TDRD3: variants seen among roughly 807,000 people sequenced by gnomAD.
TDRD3 encodes the protein tudor domain-containing protein 3.
Under a neutral mutation model 86.7 loss-of-function variants are expected in TDRD3, and 45 were observed. The ratio of observed to expected loss-of-function variants is 0.52; its 90% CI spans 0.41 to 0.67. TDRD3 has a LOEUF of 0.67. TDRD3 is among the 30% of genes least tolerant of loss of function. The pLI, the probability that TDRD3 is intolerant of heterozygous loss-of-function variation, is 0.00. For missense variants in TDRD3, 814 were observed against 889.0 expected (o/e 0.92, Z 1.07); for synonymous variants, 298 against 301.7 (o/e 0.99, Z 0.13).
intron 10 of TDRD3, among the ~76,000 whole-genome samples, chr13:60,526,677 T>C (rs1215293313): frequency 6.6e-6 from 1 of 151,836 alleles, no homozygotes; most frequent in East Asian, 1.9e-4. Flanking sequence ...AAATCTTATA[T>C]CTTAGAAAAA....
chr13:60,547,504 A>G (rs1957963130), intron 12 of TDRD3: 1 of 654,488 alleles, frequency 1.5e-6, no homozygotes, highest in Non-Finnish European at 1.9e-6. Flanking sequence ...AAGTTACCTA[A>G]TATCTCTGGG....
chr13:60,535,143 G>A lies in TDRD3; in HGVS notation c.2028G>A (p.Ser676=), dbSNP rs866623364. The change falls in exon 12 of 14, where the codon TCG becomes TCA. Residue 676 remains serine (S), a synonymous_variant. Transcript: ENST00000377881. The part of the protein sequence containing the change: ...YRAEVEALHS[S]GMTAVVKFID... ...CAGAAGTTGAAGCCCTCCATTCTTC[G>A]GGTATGACAGCAGTTGTTAAATTCA... 2 of 1,613,648 alleles carry A rather than the reference G, an allele frequency of 1.2e-6. No homozygotes were observed. Among genetic ancestry groups the A allele is most frequent in the Non-Finnish European group, 8.5e-7 (1 of 1,179,822 alleles).
intron 7 of TDRD3, among the ~76,000 whole-genome samples, chr13:60,491,547 A>C (rs1302127615): frequency 2.0e-5 from 3 of 152,254 alleles, no homozygotes; most frequent in Non-Finnish European, 4.4e-5. Flanking sequence ...CAGACAATGC[A>C]GAAAATACAT....
At position 60,476,834 on chromosome 13, in the gene TDRD3, T is replaced by C. The variant is rs565070375; in HGVS notation, c.496-6941T>C. Among the ~76,000 whole-genome samples the C allele has an allele frequency of 2.6e-5, 4 of 152,284 alleles. No homozygotes were observed. In the South Asian group the frequency reaches 6.2e-4, roughly 24 times the overall value. Reference sequence around the variant, plus strand: ...TTTTTATGGCCATTGTAAATGGGTTTGCATTCTTGATTTGAGTCTGGGTGC... The same window carrying C: ...TTTTTATGGCCATTGTAAATGGGTTCGCATTCTTGATTTGAGTCTGGGTGC... On this transcript the variant is annotated intron_variant, in intron 5 of 13. Transcript: ENST00000377881.
intron 10 of TDRD3, among the ~76,000 whole-genome samples, chr13:60,523,625 A>G (rs1428957866): frequency 1.6e-5 from 2 of 128,486 alleles, no homozygotes; most frequent in East Asian, 2.2e-4. Flanking sequence ...CACCCAGGCT[A>G]GAATGCAGAG....
chr13:60,463,980 G>A (rs933194672), intron 4 of TDRD3, among the ~76,000 whole-genome samples: 1 of 152,172 alleles, frequency 6.6e-6, no homozygotes, highest in South Asian at 2.1e-4. Flanking sequence ...TCCTTGCAGT[G>A]AGTGAGTTCT....
At chr13:60,481,131 A>G (rs1029451288) in intron 5 of TDRD3, among the ~76,000 whole-genome samples, 1 of 152,064 alleles carries the variant, frequency 6.6e-6, no homozygotes, top group African/African-American at 2.4e-5. Context: ...GCTTGCAGGC[A>G]TGGCCAGGCA....
At chr13:60,494,716 C>A in intron 8 of TDRD3, 141 bp downstream of exon 8, 1 of 670,332 alleles carries the variant, frequency 1.5e-6, no homozygotes, top group Non-Finnish European at 2.2e-6. Context: ...TTAAGGATTA[C>A]AATTAAATCA....
intron 10 of TDRD3, among the ~76,000 whole-genome samples, chr13:60,512,824 G>T (rs1957088202): frequency 6.6e-6 from 1 of 152,192 alleles, no homozygotes. Flanking sequence ...GCTTTAATGG[G>T]CTGGCGAGGA....
intron 1 of TDRD3, among the ~76,000 whole-genome samples, chr13:60,423,798 G>A (rs993755436): frequency 6.6e-6 from 1 of 152,078 alleles, no homozygotes; most frequent in African/African-American, 2.4e-5. Flanking sequence ...TTAAAGCAGT[G>A]ATTAGAGGAA....
At chr13:60,466,654 G>A (rs1480765249) in intron 4 of TDRD3, among the ~76,000 whole-genome samples, 2 of 152,174 alleles carry the variant, frequency 1.3e-5, no homozygotes, top group Non-Finnish European at 2.9e-5. Context: ...TGGTCGTGGG[G>A]GCGCATGCCT....
At chr13:60,397,946 G>T (rs980265435) in intron 1 of TDRD3, among the ~76,000 whole-genome samples, 2 of 152,182 alleles carry the variant, frequency 1.3e-5, no homozygotes, top group South Asian at 4.1e-4. Flanking sequence ...GTACAGTGTG[G>T]ACCAGTGTGA....
At chr13:60,572,727 T>C (rs1958613721) in intron 13 of TDRD3, among the ~76,000 whole-genome samples, 1 of 152,232 alleles carries the variant, frequency 6.6e-6, no homozygotes, top group East Asian at 1.9e-4. Flanking sequence ...TAGCTAAGCA[T>C]AGACTACTAC....
chr13:60,534,927 C>CAAA (rs75394722), intron 11 of TDRD3, among the ~76,000 whole-genome samples, 181 bp from the exon 12 acceptor site: 16 of 54,640 alleles, frequency 2.9e-4, no homozygotes, highest in South Asian at 6.7e-4. Context: ...GACCCTGTCT[C>CAAA]AAAAAAAAAA....
At chr13:60,549,126 GGTA>G (rs1160286533) in intron 12 of TDRD3, among the ~76,000 whole-genome samples, 1 of 152,078 alleles carries the variant, frequency 6.6e-6, no homozygotes, top group Non-Finnish European at 1.5e-5. Flanking sequence ...AGACACTCAA[GGTA>G]GTGGTGGTTT....
At chr13:60,508,021 C>T (rs1643983321) in intron 8 of TDRD3, among the ~76,000 whole-genome samples, 1 of 152,116 alleles carries the variant, frequency 6.6e-6, no homozygotes, top group African/African-American at 2.4e-5. Flanking sequence ...CTGCCATTCA[C>T]AATTGCTACA....
chr13:60,437,482 G>A (rs1253259486), intron 1 of TDRD3, among the ~76,000 whole-genome samples: 1 of 151,788 alleles, frequency 6.6e-6, no homozygotes, highest in Non-Finnish European at 1.5e-5. Flanking sequence ...AGTCATTTTT[G>A]TTTTTAACTT....
chr13:60,426,277 G>C (rs1386781639), intron 1 of TDRD3, among the ~76,000 whole-genome samples: 1 of 152,170 alleles, frequency 6.6e-6, no homozygotes, highest in Admixed American at 6.5e-5. Flanking sequence ...ACCACAGGCA[G>C]TGGGGAGGGC....
Position 60,460,454 on chromosome 13 carries a change from G to A in TDRD3, c.267G>A (p.Gln89=), listed in dbSNP as rs1441450641. ...CACCAAAGGATAATGAAGAATCTCAGGCTGCACCAAGGATGCTGCGATTAC... is the reference window on the plus strand; with the variant it reads ...CACCAAAGGATAATGAAGAATCTCAAGCTGCACCAAGGATGCTGCGATTAC... ...VAAPKDNEES[Q]AAPRMLRLQM... is the part of the protein sequence containing the mutation. The change falls in exon 4 of 14, where the codon CAG becomes CAA. Residue 89 remains glutamine, a synonymous_variant. Transcript: ENST00000377881. The A allele has an allele frequency of 6.2e-7, 1 of 1,601,000 alleles. No individual in the cohort carries two copies. The highest frequency in any genetic ancestry group is 8.5e-7 in the Non-Finnish European group (1 of 1,176,636).
Sources: allele counts gnomAD v4.1 joint callset (sites outside exome capture counted in the v4.1 genomes callset), GRCh38; gene constraint gnomAD v4.1.1; transcripts MANE v1.5; gene names NCBI Gene and HGNC (gene_info 2026-07-23, HGNC 2026-07-21).